The following NCK2 variants were observed in gnomAD, a reference collection of about 807,000 sequenced individuals.
The protein encoded by NCK2 is NCK adaptor protein 2.
A neutral mutation model predicts 33.9 loss-of-function variants in NCK2; 16 were observed. That is an observed-to-expected ratio of 0.47 (90% CI 0.32 to 0.72). The LOEUF is 0.72. Among genes scored for constraint, NCK2 ranks in the 30% least tolerant of loss-of-function variants. NCK2 has a pLI of 0.03. For synonymous variants in NCK2, 273 were observed against 239.9 expected, an observed-to-expected ratio of 1.14 and a Z score of -1.27; for missense variants, 418 against 537.3, an observed-to-expected ratio of 0.78 and a Z score of 2.19.
At chr2:105,885,497 AATTTCATCATTCC>A (rs1678688118) in intron 4 of NCK2, among the ~76,000 whole-genome samples, 1 of 152,212 alleles carries the variant, frequency 6.6e-6, no homozygotes, top group African/African-American at 2.4e-5. Flanking sequence ...ATTTTCAGGC[AATTTCATCATTCC>A]ATTTCTCTAA....
intron 4 of NCK2, among the ~76,000 whole-genome samples, chr2:105,884,992 C>T (rs1283382503): frequency 2.0e-5 from 3 of 152,208 alleles, no homozygotes; most frequent in African/African-American, 4.8e-5. Flanking sequence ...TTTTATATTA[C>T]ATTTTGTCCA....
chr2:105,764,456 C>T (rs982969366), intron 1 of NCK2, among the ~76,000 whole-genome samples: 2 of 152,218 alleles, frequency 1.3e-5, no homozygotes, highest in East Asian at 1.9e-4. Context: ...CGAGGCTCAG[C>T]CACAAAGCTG....
chr2:105,869,539 G>A (rs566020373), intron 3 of NCK2, among the ~76,000 whole-genome samples: 1 of 152,340 alleles, frequency 6.6e-6, no homozygotes, highest in East Asian at 1.9e-4. Context: ...CGGTTCGGCT[G>A]TGTCTTTGCC....
intron 1 of NCK2, among the ~76,000 whole-genome samples, chr2:105,801,364 C>T (rs1487723500): frequency 6.6e-6 from 1 of 152,154 alleles, no homozygotes; most frequent in African/African-American, 2.4e-5. Context: ...CTTGCCTCCC[C>T]CCTTCCCCAT....
At chr2:105,851,367 G>C (rs1180333739) in intron 2 of NCK2, among the ~76,000 whole-genome samples, 3 of 151,922 alleles carry the variant, frequency 2.0e-5, no homozygotes, top group Non-Finnish European at 4.4e-5. Context: ...GGGTTCAAGC[G>C]ATTCTCCTGC....
chr2:105,773,975 A>C (rs1690219795), intron 1 of NCK2, among the ~76,000 whole-genome samples: 1 of 151,728 alleles, frequency 6.6e-6, no homozygotes, highest in African/African-American at 2.4e-5. Flanking sequence ...TGCATCTGGA[A>C]GTCCTCAGGT....
chr2:105,888,933 T>C (rs537095761), intron 4 of NCK2, among the ~76,000 whole-genome samples: 1 of 152,316 alleles, frequency 6.6e-6, no homozygotes, highest in South Asian at 2.1e-4. Flanking sequence ...TTAAGATTCT[T>C]TGACAAGCTT....
chr2:105,750,939 C>G (rs1689434839), intron 1 of NCK2, among the ~76,000 whole-genome samples: 1 of 152,210 alleles, frequency 6.6e-6, no homozygotes, highest in Non-Finnish European at 1.5e-5. Flanking sequence ...CATGAGCAAA[C>G]ATCCCTTAGC....
intron 1 of NCK2, among the ~76,000 whole-genome samples, chr2:105,759,402 G>A (rs1004338822): frequency 1.3e-5 from 2 of 152,188 alleles, no homozygotes; most frequent in East Asian, 1.9e-4. Flanking sequence ...GTGTTTTAAC[G>A]TTTCCAAAGT....
At chr2:105,820,688 G>T (rs1675692403) in intron 2 of NCK2, among the ~76,000 whole-genome samples, 1 of 152,166 alleles carries the variant, frequency 6.6e-6, no homozygotes, top group African/African-American at 2.4e-5. Flanking sequence ...CTTGAAAAGT[G>T]ACTGTAATTG....
intron 2 of NCK2, among the ~76,000 whole-genome samples, chr2:105,817,938 C>G (rs34530540): frequency 1.3e-5 from 2 of 151,890 alleles, no homozygotes; most frequent in African/African-American, 4.8e-5. Context: ...GGTATATACC[C>G]AAAGGAATAT....
intron 3 of NCK2, among the ~76,000 whole-genome samples, chr2:105,860,128 A>T (rs577730045): frequency 4.9e-4 from 74 of 152,150 alleles, no homozygotes; most frequent in African/African-American, 1.6e-3. Flanking sequence ...CTACAAAAAA[A>T]TTTTTTAAAA....
intron 3 of NCK2, among the ~76,000 whole-genome samples, chr2:105,874,464 A>G (rs968443664): frequency 9.9e-5 from 15 of 152,274 alleles, no homozygotes; most frequent in South Asian, 2.1e-4. Flanking sequence ...CCACAGATCA[A>G]TAATCTCGAT....
Position 105,893,341 on chromosome 2 carries a change from C to G in NCK2, c.*165C>G. On this transcript the variant is annotated 3_prime_UTR_variant, in exon 5 of 5. Coordinates refer to ENST00000233154, the MANE Select transcript of NCK2 (RefSeq NM_003581.5). The stretch of plus-strand genomic sequence containing the variant: ...TTCGTCTCCCATTTGCCATCCAGGC[C>G]TCACACCCACACTCGAGCCCACCCG... 1.5e-6 allele frequency: 1 copy of G among 667,086 alleles called. No homozygotes were observed. Among genetic ancestry groups the G allele is most frequent in the Non-Finnish European group, 2.5e-6 (1 of 404,882 alleles). 41.3% of individuals were successfully genotyped at this position (667,086 alleles called of 1,614,324 possible).
rs761617257 is a variant in NCK2, at chr2:105,893,152, C to T, written c.1119C>T (p.Leu373=). The change falls in exon 5 of 5, where the codon CTC becomes CTT. Residue 373 remains leucine (L), a synonymous_variant. Coordinates refer to ENST00000233154, the MANE Select transcript of NCK2 (RefSeq NM_003581.5). The part of the protein sequence containing the change: ...PIFTSEHGEK[L]YLVRALQ ...TCACCAGCGAGCACGGGGAGAAGCT[C>T]TACCTCGTCAGGGCCCTGCAGTGAC... The T allele has an allele frequency of 1.2e-6, 2 of 1,606,968 alleles. No individual in the cohort carries two copies. The highest frequency in any genetic ancestry group is 1.1e-5 in the South Asian group (1 of 90,000).
chr2:105,759,182 C>T (rs1338532888), intron 1 of NCK2, among the ~76,000 whole-genome samples: 14 of 152,142 alleles, frequency 9.2e-5, no homozygotes, highest in South Asian at 6.2e-4. Flanking sequence ...GAGAATTTCA[C>T]GTGTTAAGTC....
At chr2:105,840,857 G>T (rs1016855352) in intron 2 of NCK2, among the ~76,000 whole-genome samples, 8 of 152,210 alleles carry the variant, frequency 5.3e-5, no homozygotes, top group African/African-American at 1.7e-4. Context: ...CTAATGAACA[G>T]CTGTTACCAC....
At chr2:105,883,253 C>T (rs1295405119) in intron 4 of NCK2, among the ~76,000 whole-genome samples, 1 of 152,240 alleles carries the variant, frequency 6.6e-6, no homozygotes, top group Non-Finnish European at 1.5e-5. Flanking sequence ...ATTGTTCTCA[C>T]ATGACGAGAG....
At chr2:105,889,902 C>G (rs543448404) in intron 4 of NCK2, among the ~76,000 whole-genome samples, 1 of 152,266 alleles carries the variant, frequency 6.6e-6, no homozygotes, top group South Asian at 2.1e-4. Flanking sequence ...AATATGCTTC[C>G]TAACCAGTTC....
Sources: gnomAD v4.1 joint callset for allele counts (sites outside exome capture counted in the v4.1 genomes callset) on GRCh38, gnomAD v4.1.1 for gene constraint, MANE v1.5 for transcripts, NCBI Gene and HGNC (gene_info 2026-07-23, HGNC 2026-07-21) for gene names.